The following SHE variants were observed in gnomAD, a reference collection of about 807,000 sequenced individuals.
SHE encodes the protein SH2 domain-containing adapter protein E.
Under a neutral mutation model 49.8 loss-of-function variants are expected in SHE, and 11 were observed. The observed-to-expected ratio is 0.22, with a 90% CI of 0.14 to 0.37. The LOEUF (loss-of-function observed/expected upper bound fraction) is 0.37, where lower values mean the gene tolerates loss of function less well. SHE is among the 10% of genes least tolerant of loss of function. SHE has a pLI of 1.00. For synonymous variants in SHE, 310 were observed against 278.1 expected, an observed-to-expected ratio of 1.11 and a Z score of -1.14; for missense variants, 624 against 655.5, an observed-to-expected ratio of 0.95 and a Z score of 0.52.
chr1:154,495,798 C>T (rs1417090371), intron 2 of SHE, among the ~76,000 whole-genome samples: 1 of 151,958 alleles, frequency 6.6e-6, no homozygotes, highest in African/African-American at 2.4e-5. Context: ...CAGTATTCTA[C>T]ACGCCCAAGA....
At position 154,501,930 on chromosome 1, in the gene SHE, G is replaced by C. The variant is rs746746840; in HGVS notation, c.97C>G (p.Arg33Gly). The change falls in exon 1 of 6, where the codon CGG (arginine) becomes GGG (glycine). Residue 33 changes from arginine (R) to glycine (G), a missense_variant. Transcript: ENST00000304760. ...CACTTGGCCGCCATGAGGGGGCCCC[G>C]GCCGGCTCGGCCCAGGAGCGTCGGG... ...TAPTLLGRAGRGPLMAAKWFK... is the reference protein window; with the variant it reads ...TAPTLLGRAGGGPLMAAKWFK... 1.7e-5 allele frequency: 26 copies of C among 1,488,818 alleles called. No individual in the cohort carries two copies. Among genetic ancestry groups the C allele is most frequent in the Middle Eastern group, 1.8e-4 (1 of 5,690 alleles). 92.2% of individuals were successfully genotyped at this position (1,488,818 alleles called of 1,614,324 possible). A position where few individuals can be genotyped will look rare whatever the true frequency, so the allele number is the denominator to read the frequency against.
intron 2 of SHE, among the ~76,000 whole-genome samples, chr1:154,494,421 C>G (rs1692462546): frequency 7.4e-6 from 1 of 135,174 alleles, no homozygotes; most frequent in Non-Finnish European, 1.5e-5. Flanking sequence ...ACTATATTGG[C>G]AAGGTTGGCC....
Position 154,479,652 on chromosome 1 carries a change from ATT to A in SHE, c.*4495_*4496del. ...CCTATATTACATACAATCTTCAAAC[ATT>A]TTTAAAAGTTGAAACTATGTATTAG... On this transcript the variant is annotated 3_prime_UTR_variant, in exon 6 of 6. Coordinates refer to ENST00000304760, the MANE Select transcript of SHE (RefSeq NM_001010846.3). The A allele has an allele frequency of 1.0e-6, 1 of 973,572 alleles. No individual in the cohort carries two copies. Among genetic ancestry groups the A allele is most frequent in the Non-Finnish European group, 1.2e-6 (1 of 819,138 alleles). 60.3% of individuals were successfully genotyped at this position (973,572 alleles called of 1,614,324 possible).
chr1:154,499,009 T>C lies in SHE; in HGVS notation c.718+103A>G, dbSNP rs1692622532. 6 of 1,411,016 alleles carry C rather than the reference T, an allele frequency of 4.3e-6. No individual in the cohort carries two copies. The Admixed American group carries it at 1.3e-4, about 31-fold the overall frequency. The allele number at this position is 1,411,016 out of a possible 1,614,324, so 87.4% of individuals were successfully genotyped here. A position where few individuals can be genotyped will look rare whatever the true frequency, so the allele number is the denominator to read the frequency against. ...TTTCTTCAAGTCAGCAGGATCTGGG[T>C]AAATTGCTTTATCCCTCTTCCCCAA... On this transcript the variant is annotated intron_variant, in intron 2 of 5. Transcript: ENST00000304760.
At chr1:154,491,529 C>T (rs189538187) in intron 2 of SHE, among the ~76,000 whole-genome samples, 2 of 152,352 alleles carry the variant, frequency 1.3e-5, no homozygotes, top group African/African-American at 4.8e-5. Flanking sequence ...ACAGGTGCCA[C>T]GGCTGGACCA....
chr1:154,498,372 A>C (rs1692602985), intron 2 of SHE, among the ~76,000 whole-genome samples: 1 of 148,590 alleles, frequency 6.7e-6, no homozygotes, highest in Non-Finnish European at 1.5e-5. Context: ...CTGGGATTAT[A>C]GGCGTGAGCC....
At chr1:154,477,305 T>C (rs1691900056), downstream of SHE, among the ~76,000 whole-genome samples, 1 of 152,220 alleles carries the variant, frequency 6.6e-6, no homozygotes, top group Non-Finnish European at 1.5e-5. Context: ...TGTAAGATAA[T>C]AGACTGGCAT....
chr1:154,487,576 G>A (rs778318529), intron 3 of SHE, among the ~76,000 whole-genome samples: 10 of 152,018 alleles, frequency 6.6e-5, no homozygotes, highest in South Asian at 4.2e-4. Context: ...TCCAGGCTGG[G>A]CATGGTAGCT....
intron 5 of SHE, chr1:154,485,259 T>G (rs1692139024): frequency 6.6e-6 from 1 of 152,192 alleles, no homozygotes; most frequent in African/African-American, 2.4e-5. Context: ...TGAGCCATAT[T>G]GCTCAACTCC....
intron 3 of SHE, 152 bp downstream of exon 3, chr1:154,488,899 T>G: frequency 1.8e-6 from 2 of 1,118,932 alleles, no homozygotes; most frequent in Non-Finnish European, 2.4e-6. Context: ...GGTCATTCTT[T>G]CAATGGTCAT....
intron 2 of SHE, 89 bp from the exon 3 acceptor site, chr1:154,489,445 A>G: frequency 2.0e-6 from 3 of 1,466,062 alleles, no homozygotes; most frequent in Non-Finnish European, 2.8e-6. Context: ...CATTAACCCA[A>G]CTGCCTCAGC....
chr1:154,500,600 C>G (rs552459956), intron 1 of SHE, among the ~76,000 whole-genome samples: 91 of 152,324 alleles, frequency 6.0e-4, no homozygotes, highest in African/African-American at 2.2e-3. Flanking sequence ...GCTCTTCTCT[C>G]TCCCCCTTTC....
Position 154,479,946 on chromosome 1 carries a change from T to C in SHE, c.*4203A>G. ...TTTTCTGGACTGTATCAGAAATCCT[T>C]CAGAAAGCCCTACCCTTAAATGCAC... On this transcript the variant is annotated 3_prime_UTR_variant, in exon 6 of 6. Transcript: ENST00000304760. 2.0e-6 allele frequency: 2 copies of C among 985,406 alleles called. No homozygotes were observed. Among genetic ancestry groups the C allele is most frequent in the Non-Finnish European group, 2.4e-6 (2 of 829,932 alleles). The allele number at this position is 985,406 out of a possible 1,614,324, so 61.0% of individuals were successfully genotyped here. A position where few individuals can be genotyped will look rare whatever the true frequency, so the allele number is the denominator to read the frequency against.
chr1:154,471,043 AAAAG>A (rs1487341127), intron 1 of SHE, among the ~76,000 whole-genome samples: 3 of 150,492 alleles, frequency 2.0e-5, no homozygotes, highest in Non-Finnish European at 4.4e-5. Context: ...AAAAAAAAAT[AAAAG>A]AAAGGTTCAA....
In SHE at chr1:154,501,500, G is replaced by A; in HGVS notation, c.527C>T (p.Ser176Phe). The A allele has an allele frequency of 6.2e-7, 1 of 1,614,178 alleles. No individual in the cohort carries two copies. Among genetic ancestry groups the A allele is most frequent in the Non-Finnish European group, 8.5e-7 (1 of 1,180,032 alleles). Residue 176 changes from serine (S) to phenylalanine (F), a missense_variant, in exon 1 of 6, where the codon TCC becomes TTC. By Grantham distance (155) the Ser-to-Phe change is radical. Transcript: ENST00000304760. ...GGGCCCCAGGGAGGAAGGGGAAGAG[G>A]ACGCGGAGGAAGAGGAGCTGGAGCT... ...SSSSSSSSSASSSPSSLGPEL... is the reference protein window; with the variant it reads ...SSSSSSSSSAFSSPSSLGPEL...
chr1:154,476,979 C>T (rs540048440), downstream of SHE, among the ~76,000 whole-genome samples: 17 of 152,306 alleles, frequency 1.1e-4, no homozygotes, highest in East Asian at 1.3e-3. Flanking sequence ...CTGGTGCTAC[C>T]TGTGGATTCT....
chr1:154,485,598 A>C (rs1163479643), intron 5 of SHE: 1 of 178,680 alleles, frequency 5.6e-6, no homozygotes, highest in Non-Finnish European at 1.2e-5. Flanking sequence ...GAATAAAAGA[A>C]GAATGACTGT....
At position 154,471,426 on chromosome 1, in the gene SHE, T is replaced by A. The variant is rs1194473625; in HGVS notation, c.103-1064A>T. On this transcript the variant is annotated intron_variant, in intron 1 of 1. Transcript: ENST00000486773. ...CTATATCTACAAAAAAGAAAAAAAA[T>A]TAACCAGGTGTGGTGGCACCTGCCT... Among the ~76,000 whole-genome samples, 3 of 151,804 alleles carry A rather than the reference T, an allele frequency of 2.0e-5. No individual in the cohort carries two copies. The East Asian group carries it at 5.8e-4, about 29-fold the overall frequency.
chr1:154,496,480 C>A (rs1692533963), intron 2 of SHE, among the ~76,000 whole-genome samples: 2 of 152,154 alleles, frequency 1.3e-5, no homozygotes, highest in Admixed American at 6.5e-5. Context: ...AGACAACATT[C>A]TTGGTTGAGT....
Sources: allele counts gnomAD v4.1 joint callset (sites outside exome capture counted in the v4.1 genomes callset), GRCh38; gene constraint gnomAD v4.1.1; transcripts MANE v1.5; gene names NCBI Gene and HGNC (gene_info 2026-07-23, HGNC 2026-07-21).